The following PCSK6 variants were observed in gnomAD, a reference collection of about 807,000 sequenced individuals.
PCSK6 encodes the protein paired basic amino acid cleaving enzyme 4.
A neutral mutation model predicts 123.3 loss-of-function variants in PCSK6; 85 were observed. That is an observed-to-expected ratio of 0.69 (90% CI 0.58 to 0.83). The LOEUF (loss-of-function observed/expected upper bound fraction) is 0.83. Ranked by LOEUF, PCSK6 falls within the 40% of genes least tolerant of loss-of-function variation. The probability of loss-of-function intolerance (pLI) is 0.00; values close to 1 mark genes in which losing one functional copy is unlikely to be tolerated. For synonymous variants in PCSK6, 508 were observed against 516.0 expected, an observed-to-expected ratio of 0.98 and a Z score of 0.21; for missense variants, 1,191 against 1,282.3, an observed-to-expected ratio of 0.93 and a Z score of 1.09.
chr15:101,362,713 A>C (rs2041269634), intron 13 of PCSK6, among the ~76,000 whole-genome samples: 1 of 152,138 alleles, frequency 6.6e-6, no homozygotes, highest in African/African-American at 2.4e-5. Context: ...CTTGCGTACT[A>C]TCCCCATTTT....
At chr15:101,399,428 T>G (rs1162663121) in intron 6 of PCSK6, among the ~76,000 whole-genome samples, 1 of 152,094 alleles carries the variant, frequency 6.6e-6, no homozygotes, top group East Asian at 1.9e-4. Flanking sequence ...TGGGTTTGGG[T>G]TCTATGTTCC....
chr15:101,383,267 C>T (rs903665570), intron 10 of PCSK6, among the ~76,000 whole-genome samples: 5 of 151,922 alleles, frequency 3.3e-5, no homozygotes, highest in Non-Finnish European at 7.4e-5. Flanking sequence ...ATTAGCTGGG[C>T]GTGGTAGCAG....
intron 6 of PCSK6, among the ~76,000 whole-genome samples, chr15:101,408,846 C>T (rs1390618734): frequency 6.6e-6 from 1 of 152,130 alleles, no homozygotes; most frequent in East Asian, 1.9e-4. Flanking sequence ...AATTTATGGG[C>T]ATGGATTAAT....
intron 13 of PCSK6, among the ~76,000 whole-genome samples, chr15:101,359,514 G>GCACCTATCGT (rs2041148100): frequency 6.6e-6 from 1 of 152,264 alleles, no homozygotes; most frequent in African/African-American, 2.4e-5. Context: ...ACACCTATTG[G>GCACCTATCGT]GCACCTATCA....
chr15:101,429,567 G>A (rs1436300160), intron 5 of PCSK6, among the ~76,000 whole-genome samples: 1 of 152,162 alleles, frequency 6.6e-6, no homozygotes, highest in Non-Finnish European at 1.5e-5. Context: ...CATTACTCAT[G>A]CCCCTTCCAC....
intron 13 of PCSK6, among the ~76,000 whole-genome samples, chr15:101,360,373 C>T (rs1290291609): frequency 6.6e-6 from 1 of 152,212 alleles, no homozygotes; most frequent in Non-Finnish European, 1.5e-5. Context: ...AAGCCCAGTG[C>T]GATCTGGTCC....
At chr15:101,308,933 C>T (rs1157474153) in intron 20 of PCSK6, 1 of 152,384 alleles carries the variant, frequency 6.6e-6, no homozygotes, top group Non-Finnish European at 1.5e-5. Context: ...CCAGTGCCCC[C>T]AGGCCACGGC....
At chr15:101,480,132 T>C (rs961585252) in intron 1 of PCSK6, among the ~76,000 whole-genome samples, 1 of 152,214 alleles carries the variant, frequency 6.6e-6, no homozygotes, top group Non-Finnish European at 1.5e-5. Flanking sequence ...GGCTGATCAC[T>C]CAGAGCTTCG....
At chr15:101,394,510 C>T (rs537625989) in intron 7 of PCSK6, among the ~76,000 whole-genome samples, 14 of 152,214 alleles carry the variant, frequency 9.2e-5, no homozygotes, top group South Asian at 4.2e-4. Context: ...ACAGCTGGCC[C>T]GAGAGAAGGG....
At chr15:101,484,671 G>A (rs1019062947) in intron 1 of PCSK6, among the ~76,000 whole-genome samples, 2 of 152,194 alleles carry the variant, frequency 1.3e-5, no homozygotes, top group African/African-American at 4.8e-5. Flanking sequence ...GATTACAGGC[G>A]TGAGCCACCA....
Position 101,305,331 on chromosome 15 carries a change from A to C in PCSK6, c.2837T>G (p.Val946Gly). ...CCGTTCGCACAGCCGGTTGGACTTC[A>C]CCATCTCGCAGAATGTCTCGTCAGC... ...SNADETFCEM[V>G]KSNRLCERKL... Residue 946 changes from valine to glycine, a missense_variant, in exon 22 of 22, where the codon GTG (valine) becomes GGG (glycine). Transcript: ENST00000611716. The surrounding 1 kb of genome is among the most constrained non-coding windows in gnomAD (Gnocchi z 4.8). 6.2e-7 allele frequency: 1 copy of C among 1,612,670 alleles called. No individual in the cohort carries two copies. The highest frequency in any genetic ancestry group is 8.5e-7 in the Non-Finnish European group (1 of 1,179,756).
At chr15:101,360,547 T>G (rs1307730081) in intron 13 of PCSK6, among the ~76,000 whole-genome samples, 2 of 109,928 alleles carry the variant, frequency 1.8e-5, no homozygotes, top group Non-Finnish European at 3.5e-5. Flanking sequence ...CCGGGGGCCT[T>G]AGCATCCCCT....
At chr15:101,361,869 T>C (rs533832261) in intron 13 of PCSK6, among the ~76,000 whole-genome samples, 2 of 151,832 alleles carry the variant, frequency 1.3e-5, no homozygotes, top group African/African-American at 2.4e-5. Context: ...GACTGAGATA[T>C]ATTCTGGAAG....
chr15:101,406,433 C>T (rs755819772), intron 6 of PCSK6, among the ~76,000 whole-genome samples: 2 of 152,164 alleles, frequency 1.3e-5, no homozygotes, highest in African/African-American at 2.4e-5. Context: ...GACAAATAGG[C>T]CTCCCCAACA....
At chr15:101,347,527 T>C (rs1359520594) in intron 13 of PCSK6, 7 of 1,355,040 alleles carry the variant, frequency 5.2e-6, no homozygotes, top group Admixed American at 3.0e-5. Flanking sequence ...TTATGTAAGC[T>C]CTTGATTTAA....
intron 18 of PCSK6, among the ~76,000 whole-genome samples, chr15:101,318,635 C>T (rs1350410143): frequency 6.6e-6 from 1 of 152,230 alleles, no homozygotes; most frequent in African/African-American, 2.4e-5. Context: ...AGCAAAGCTC[C>T]CATCACCAGG....
intron 20 of PCSK6, among the ~76,000 whole-genome samples, chr15:101,310,462 T>A (rs2039830331): frequency 6.6e-6 from 1 of 152,208 alleles, no homozygotes; most frequent in Non-Finnish European, 1.5e-5. Flanking sequence ...AAAGTGATTA[T>A]CACTGTTTAA....
intron 8 of PCSK6, 44 bp downstream of exon 8, chr15:101,393,168 T>C: frequency 7.0e-7 from 1 of 1,418,998 alleles, no homozygotes; most frequent in Non-Finnish European, 9.9e-7. Context: ...CCCAGAGGGC[T>C]GAGGCACTCA....
chr15:101,327,095 G>A (rs111675518), intron 15 of PCSK6, among the ~76,000 whole-genome samples: 22 of 152,198 alleles, frequency 1.4e-4, no homozygotes, highest in Non-Finnish European at 2.9e-5. Flanking sequence ...CCTAGGGTTG[G>A]GGGGCTGCTG....
Sources: allele counts gnomAD v4.1 joint callset (sites outside exome capture counted in the v4.1 genomes callset), GRCh38; gene constraint gnomAD v4.1.1; non-coding constraint Gnocchi (gnomAD v3.1); transcripts MANE v1.5; gene names NCBI Gene and HGNC (gene_info 2026-07-23, HGNC 2026-07-21).